Variants in TPM3 observed in about 807,000 individuals in gnomAD.
The protein encoded by TPM3 is tropomyosin alpha-3 chain.
A neutral mutation model predicts 43.1 loss-of-function variants in TPM3; 16 were observed. The ratio of observed to expected loss-of-function variants is 0.37; its 90% CI spans 0.25 to 0.56. TPM3 has a LOEUF of 0.56. TPM3 is among the 20% of genes least tolerant of loss of function. The pLI, the probability that TPM3 is intolerant of heterozygous loss-of-function variation, is 0.77. For missense variants in TPM3, 176 were observed against 337.2 expected (o/e 0.52, Z 3.74); for synonymous variants, 101 against 116.9 (o/e 0.86, Z 0.88).
rs1187344919 is a variant in TPM3, at chr1:154,163,305, T to C, written c.*4632A>G. Among the ~76,000 whole-genome samples the C allele has an allele frequency of 6.6e-6, 1 of 152,242 alleles. No individual in the cohort carries two copies. Among genetic ancestry groups the C allele is most frequent in the Admixed American group, 6.5e-5 (1 of 15,284 alleles). ...ATGTTTTGAGTGCTTGACTGCCACA[T>C]GTGGCTAATGTACTAGACATCATTA... is the stretch of plus-strand genomic sequence containing the variant. On this transcript the variant is annotated 3_prime_UTR_variant, in exon 10 of 10. Coordinates refer to ENST00000651641, the MANE Select transcript of TPM3 (RefSeq NM_152263.4).
Position 154,166,632 on chromosome 1 carries a change from A to G in TPM3, c.*1305T>C. ...ACAACACTTACGTGCTTGGATTAGT[A>G]TAATTCACAGCTATACTATTAAGAA... On this transcript the variant is annotated 3_prime_UTR_variant, in exon 10 of 10. Coordinates refer to ENST00000651641, the MANE Select transcript of TPM3 (RefSeq NM_152263.4). 9.6e-7 allele frequency: 1 copy of G among 1,038,722 alleles called. No homozygotes were observed. The allele number at this position is 1,038,722 out of a possible 1,614,324, so 64.3% of individuals were successfully genotyped here. A position where few individuals can be genotyped will look rare whatever the true frequency, so the allele number is the denominator to read the frequency against.
chr1:154,180,850 G>A (rs1249161334), intron 2 of TPM3, among the ~76,000 whole-genome samples: 1 of 152,060 alleles, frequency 6.6e-6, no homozygotes, highest in Non-Finnish European at 1.5e-5. Context: ...ACTTGAGCCT[G>A]GGAGGTGGAG....
At chr1:154,191,575 G>A in intron 1 of TPM3, 1 of 1,341,838 alleles carries the variant, frequency 7.5e-7, no homozygotes, top group Non-Finnish European at 9.8e-7. Context: ...AAGTGTAGAT[G>A]CCCGTGATGC....
chr1:154,190,772 G>C (rs547397886), intron 2 of TPM3, among the ~76,000 whole-genome samples: 3 of 152,314 alleles, frequency 2.0e-5, no homozygotes, highest in African/African-American at 7.2e-5. Flanking sequence ...TTGGACAGTT[G>C]AGAGATGAGA....
chr1:154,182,898 G>A (rs907954759), intron 2 of TPM3: 1 of 1,594,526 alleles, frequency 6.3e-7, no homozygotes, highest in Non-Finnish European at 8.5e-7. Context: ...GGCCTTCAGA[G>A]GACCGTGCTC....
At chr1:154,173,847 G>T (rs1157507373) in intron 3 of TPM3, among the ~76,000 whole-genome samples, 2 of 151,704 alleles carry the variant, frequency 1.3e-5, no homozygotes, top group Non-Finnish European at 2.9e-5. Flanking sequence ...AAATTAGCCA[G>T]GTGTGGTGGC....
chr1:154,174,405 T>TATATATAC (rs1553249385), intron 3 of TPM3, among the ~76,000 whole-genome samples: 4 of 89,528 alleles, frequency 4.5e-5, no homozygotes, highest in Admixed American at 1.2e-4. Context: ...TATATATATA[T>TATATATAC]ATACACACAA....
chr1:154,180,052 CAT>C (rs565724217), intron 2 of TPM3, among the ~76,000 whole-genome samples: 97 of 152,126 alleles, frequency 6.4e-4, no homozygotes, highest in African/African-American at 2.2e-3. Context: ...TGCATTTAAA[CAT>C]TATGTTGCCA....
chr1:154,180,698 A>G (rs1398946639), intron 2 of TPM3, among the ~76,000 whole-genome samples: 1 of 152,018 alleles, frequency 6.6e-6, no homozygotes, highest in Non-Finnish European at 1.5e-5. Flanking sequence ...ACTTGAGGTC[A>G]GGAGTTTGAA....
At chr1:154,189,645 T>G (rs1243965659) in intron 2 of TPM3, among the ~76,000 whole-genome samples, 1 of 150,894 alleles carries the variant, frequency 6.6e-6, no homozygotes, top group African/African-American at 2.4e-5. Context: ...AATATGAAAA[T>G]TAGCCAGCCA....
At chr1:154,171,847 G>A (rs888681150) in intron 5 of TPM3, 12 of 763,756 alleles carry the variant, frequency 1.6e-5, no homozygotes, top group African/African-American at 1.4e-4. Context: ...GAGAGGCAGT[G>A]AAGCAACTAG....
At position 154,176,605 on chromosome 1, in the gene TPM3, G is replaced by A. The variant is rs889142500; in HGVS notation, c.244-357C>T. 4.7e-5 allele frequency among the ~76,000 whole-genome samples: 7 copies of A among 148,438 alleles called. No individual in the cohort carries two copies. In the East Asian group the frequency reaches 1.0e-3, roughly 21 times the overall value. On this transcript the variant is annotated intron_variant, in intron 2 of 9. Coordinates refer to ENST00000651641, the MANE Select transcript of TPM3 (RefSeq NM_152263.4). ...GTTCCTTCTGCCTGAGCTCTGGCTT[G>A]GAGGCATGTCTCATCCTCAGTAACC...
intron 2 of TPM3, chr1:154,178,166 G>C (rs1662555140): frequency 1.0e-6 from 1 of 985,330 alleles, no homozygotes; most frequent in Admixed American, 6.1e-5. Flanking sequence ...TGAAATGTAA[G>C]ACATCATGCA....
At chr1:154,182,719 G>A (rs1294517079) in intron 2 of TPM3, among the ~76,000 whole-genome samples, 2 of 151,982 alleles carry the variant, frequency 1.3e-5, no homozygotes, top group Non-Finnish European at 2.9e-5. Context: ...AATGAATGAG[G>A]TGGAGAAAAA....
At chr1:154,171,660 C>A in intron 5 of TPM3, 172 bp from the exon 6 acceptor site, 2 of 744,150 alleles carry the variant, frequency 2.7e-6, no homozygotes, top group South Asian at 1.6e-5. Context: ...CCTCCCTCTA[C>A]CATAGAACGT....
chr1:154,168,698 T>C (rs750275384), intron 9 of TPM3, among the ~76,000 whole-genome samples: 3 of 152,168 alleles, frequency 2.0e-5, no homozygotes, highest in Non-Finnish European at 4.4e-5. Flanking sequence ...ATTTTTTAAA[T>C]ATTTTTTAGT....
At position 154,167,869 on chromosome 1, in the gene TPM3, A is replaced by G; in HGVS notation, c.*68T>C. The stretch of plus-strand genomic sequence containing the variant: ...GCTGACCCAAATGGAATCCAGAGCG[A>G]GAGTGGGGCCTTGGGTTCCCCGAGG... On this transcript the variant is annotated 3_prime_UTR_variant, in exon 10 of 10. Coordinates refer to ENST00000651641, the MANE Select transcript of TPM3 (RefSeq NM_152263.4). 2.5e-6 allele frequency: 4 copies of G among 1,613,838 alleles called. No homozygotes were observed. Among genetic ancestry groups the G allele is most frequent in the Non-Finnish European group, 3.4e-6 (4 of 1,179,800 alleles).
At chr1:154,186,732 T>C (rs1028685254) in intron 2 of TPM3, among the ~76,000 whole-genome samples, 3 of 151,732 alleles carry the variant, frequency 2.0e-5, no homozygotes, top group Non-Finnish European at 2.9e-5. Context: ...ATGGTTAAAA[T>C]GGTAAGTTTT....
chr1:154,170,226 C>A (rs900955152), intron 8 of TPM3, 174 bp downstream of exon 8: 8 of 664,652 alleles, frequency 1.2e-5, no homozygotes, highest in African/African-American at 1.8e-5. Flanking sequence ...ATTTAAAAAA[C>A]CAATTCTAGA....
Sources: allele counts gnomAD v4.1 joint callset (sites outside exome capture counted in the v4.1 genomes callset), GRCh38; gene constraint gnomAD v4.1.1; transcripts MANE v1.5; gene names NCBI Gene and HGNC (gene_info 2026-07-23, HGNC 2026-07-21).